PLCG2: variants seen among roughly 807,000 people sequenced by gnomAD.
The protein encoded by PLCG2 is 1-phosphatidylinositol 4,5-bisphosphate phosphodiesterase gamma-2.
Under a neutral mutation model 175.6 loss-of-function variants are expected in PLCG2, and 69 were observed. The ratio of observed to expected loss-of-function variants is 0.39; its 90% CI spans 0.32 to 0.48. PLCG2 has a LOEUF of 0.48. Ranked by LOEUF, PLCG2 falls within the 20% of genes least tolerant of loss-of-function variation. PLCG2 has a pLI of 0.91. For synonymous variants in PLCG2, 827 were observed against 624.0 expected (o/e 1.33, Z -4.85); for missense variants, 1,798 against 1,650.9 (o/e 1.09, Z -1.54).
At chr16:81,867,118 G>A (rs1907279534) in intron 5 of PLCG2, among the ~76,000 whole-genome samples, 1 of 152,238 alleles carries the variant, frequency 6.6e-6, no homozygotes, top group Non-Finnish European at 1.5e-5. Flanking sequence ...CCAGAGGAAA[G>A]GCTGGAGGTG....
At position 81,938,872 on chromosome 16, in the gene PLCG2, T is replaced by C; in HGVS notation, c.3270T>C (p.Cys1090=). Residue 1090 remains cysteine, a synonymous_variant, in exon 29 of 33, where the codon TGT becomes TGC. Coordinates refer to ENST00000564138, the MANE Select transcript of PLCG2 (RefSeq NM_002661.5). ...IACPFVEVEI[C]GAEYDNNKFK... ...GTCCCTTTGTAGAAGTGGAGATCTG[T>C]GGAGCCGAGTATGACAACAACAAGT... 1 of 1,613,082 alleles carries C rather than the reference T, an allele frequency of 6.2e-7. No individual in the cohort carries two copies. The highest frequency in any genetic ancestry group is 8.5e-7 in the Non-Finnish European group (1 of 1,179,474).
chr16:81,873,679 C>T (rs545482902), intron 7 of PLCG2, among the ~76,000 whole-genome samples: 174 of 152,204 alleles, frequency 1.1e-3, no homozygotes, highest in Middle Eastern at 0.01. Context: ...CCTGTAATCC[C>T]ACCACTTTGG....
At chr16:81,935,910 T>TA (rs913366973) in intron 26 of PLCG2, 400 of 908,326 alleles carry the variant, frequency 4.4e-4, no homozygotes, top group East Asian at 4.8e-4. Context: ...GGTGATAGTT[T>TA]AAAAAAAAAA....
chr16:81,860,172 A>ATTATTATTATTTT (rs763047744), intron 5 of PLCG2, among the ~76,000 whole-genome samples: 129 of 120,606 alleles, frequency 1.1e-3, no homozygotes, highest in Non-Finnish European at 1.3e-3. Context: ...TATTATTATT[A>ATTATTATTATTTT]TTTTTTTTTT....
chr16:81,876,016 C>CTTTCT (rs1907764953), intron 7 of PLCG2, among the ~76,000 whole-genome samples: 4 of 114,992 alleles, frequency 3.5e-5, no homozygotes, highest in Admixed American at 1.0e-4. Flanking sequence ...CTTTTTCTTT[C>CTTTCT]TTTTTTTTTT....
At chr16:81,858,427 G>A in intron 4 of PLCG2, 71 bp downstream of exon 4, 1 of 1,021,258 alleles carries the variant, frequency 9.8e-7, no homozygotes, top group South Asian at 1.3e-5. Context: ...GCCAACATGG[G>A]CTACAGGGGG....
In PLCG2 at chr16:81,936,018, A is replaced by G. The variant is rs116793333; in HGVS notation, c.2843-151A>G. The stretch of plus-strand genomic sequence containing the variant: ...AGGGCAAGAGTCCACAGTGATACCA[A>G]TTGGGACAATATCATCAGAACCCCT... On this transcript the variant is annotated intron_variant, in intron 26 of 32. Transcript: ENST00000564138. 9.0e-5 allele frequency: 131 copies of G among 1,448,406 alleles called. 1 individual carries two copies. The African/African-American group carries it at 1.7e-3, about 19-fold the overall frequency. 89.7% of individuals were successfully genotyped at this position (1,448,406 alleles called of 1,614,324 possible). A position where few individuals can be genotyped will look rare whatever the true frequency, so the allele number is the denominator to read the frequency against.
At chr16:81,920,436 A>G (rs1910013973) in intron 20 of PLCG2, among the ~76,000 whole-genome samples, 1 of 152,220 alleles carries the variant, frequency 6.6e-6, no homozygotes, top group Admixed American at 6.5e-5. Flanking sequence ...AGATGTTTTC[A>G]GGTAGCATGA....
chr16:81,931,492 C>A lies in PLCG2; in HGVS notation c.2582-5C>A. On this transcript the variant is annotated splice_polypyrimidine_tract_variant and splice_region_variant and intron_variant, in intron 24 of 32. Coordinates refer to ENST00000564138, the MANE Select transcript of PLCG2 (RefSeq NM_002661.5). Reference sequence around the variant, plus strand: ...TTGGGACATTTCTTATTCTCTTACCCCAAGTGAAAGCCCCTCAGGGAAAAA... The same window carrying A: ...TTGGGACATTTCTTATTCTCTTACCACAAGTGAAAGCCCCTCAGGGAAAAA... The A allele has an allele frequency of 6.2e-7, 1 of 1,613,684 alleles. No individual in the cohort carries two copies. The highest frequency in any genetic ancestry group is 8.5e-7 in the Non-Finnish European group (1 of 1,179,738).
At chr16:81,817,916 A>T (rs1331268139) in intron 2 of PLCG2, among the ~76,000 whole-genome samples, 1 of 152,214 alleles carries the variant, frequency 6.6e-6, no homozygotes, top group East Asian at 1.9e-4. Flanking sequence ...TTCGGGGAGA[A>T]GGGGGTTAAG....
chr16:81,911,506 C>T (rs933536137), intron 18 of PLCG2, among the ~76,000 whole-genome samples: 4 of 152,086 alleles, frequency 2.6e-5, no homozygotes, highest in Admixed American at 6.6e-5. Flanking sequence ...GGAACAATCA[C>T]GTCTCGCAGC....
intron 2 of PLCG2, among the ~76,000 whole-genome samples, chr16:81,792,055 T>C (rs1311731161): frequency 6.6e-6 from 1 of 152,146 alleles, no homozygotes; most frequent in Non-Finnish European, 1.5e-5. Context: ...GGCATGCATA[T>C]CGATGGTAGG....
At chr16:81,807,959 C>G (rs927346227) in intron 2 of PLCG2, among the ~76,000 whole-genome samples, 8 of 152,218 alleles carry the variant, frequency 5.3e-5, no homozygotes, top group Non-Finnish European at 1.5e-5. Flanking sequence ...CAATTCATCC[C>G]CATGATCCAG....
At chr16:81,938,473 G>T (rs1315429621) in intron 28 of PLCG2, 1 of 357,910 alleles carries the variant, frequency 2.8e-6, no homozygotes, top group Non-Finnish European at 5.1e-6. Flanking sequence ...TTTCCTAGGG[G>T]TGTGGAAATC....
At chr16:81,861,911 CA>C (rs1907000689) in intron 5 of PLCG2, among the ~76,000 whole-genome samples, 1 of 152,320 alleles carries the variant, frequency 6.6e-6, no homozygotes, top group East Asian at 1.9e-4. Context: ...GGACCCTCTG[CA>C]GAGAGAAACT....
At chr16:81,791,607 C>T (rs1373693644) in intron 2 of PLCG2, among the ~76,000 whole-genome samples, 3 of 152,182 alleles carry the variant, frequency 2.0e-5, no homozygotes, top group Non-Finnish European at 4.4e-5. Context: ...CTCTGTCACC[C>T]AGGCTGGAGT....
upstream of PLCG2, among the ~76,000 whole-genome samples, chr16:81,776,073 TTC>T (rs549959626): frequency 8.9e-5 from 3 of 33,796 alleles, no homozygotes; most frequent in African/African-American, 1.5e-4. Context: ...AGTGGTTTCT[TTC>T]TCTCTCTCTC....
chr16:81,848,719 G>A (rs1290925063), intron 2 of PLCG2, among the ~76,000 whole-genome samples: 1 of 152,174 alleles, frequency 6.6e-6, no homozygotes, highest in Non-Finnish European at 1.5e-5. Flanking sequence ...GGGCCCCGCT[G>A]TGTGCCAGCT....
At chr16:81,836,018 T>G (rs75529606) in intron 2 of PLCG2, among the ~76,000 whole-genome samples, 1 of 152,176 alleles carries the variant, frequency 6.6e-6, no homozygotes, top group South Asian at 2.1e-4. Flanking sequence ...GAAGGCCACA[T>G]TCACACATAC....
Sources: allele counts gnomAD v4.1 joint callset (sites outside exome capture counted in the v4.1 genomes callset), GRCh38; gene constraint gnomAD v4.1.1; transcripts MANE v1.5; gene names NCBI Gene and HGNC (gene_info 2026-07-23, HGNC 2026-07-21).